Variants in TMEM161B observed in about 807,000 individuals in gnomAD.
The protein encoded by TMEM161B is transmembrane protein 161B.
A neutral mutation model predicts 61.8 loss-of-function variants in TMEM161B; 34 were observed. That is an observed-to-expected ratio of 0.55 (90% CI 0.42 to 0.73). TMEM161B has a LOEUF of 0.73. TMEM161B is among the 30% of genes least tolerant of loss of function. The pLI is 0.00. For synonymous variants in TMEM161B, 167 were observed against 192.8 expected, an observed-to-expected ratio of 0.87 and a Z score of 1.11; for missense variants, 456 against 558.5, an observed-to-expected ratio of 0.82 and a Z score of 1.85.
chr5:88,260,163 G>A (rs1225926201), intron 1 of TMEM161B, among the ~76,000 whole-genome samples: 1 of 152,126 alleles, frequency 6.6e-6, no homozygotes, highest in Non-Finnish European at 1.5e-5. Context: ...CGTTATTGAG[G>A]AAAAGTAAAA....
At chr5:88,211,657 C>T (rs1422290522) in intron 5 of TMEM161B, among the ~76,000 whole-genome samples, 1 of 151,732 alleles carries the variant, frequency 6.6e-6, no homozygotes, top group Non-Finnish European at 1.5e-5. Flanking sequence ...GTAATCCCAG[C>T]TAACTCGGGA....
chr5:88,206,687 T>C (rs1054809695), intron 6 of TMEM161B, among the ~76,000 whole-genome samples, 188 bp from the exon 7 acceptor site: 2 of 152,116 alleles, frequency 1.3e-5, no homozygotes, highest in Admixed American at 1.3e-4. Flanking sequence ...GAACAGTCTT[T>C]GAAAACGTCC....
At chr5:88,205,733 GATTAC>G (rs1745334423) in intron 8 of TMEM161B, 76 bp downstream of exon 8, 11 of 1,454,870 alleles carry the variant, frequency 7.6e-6, no homozygotes, top group South Asian at 6.7e-5. Flanking sequence ...AATAATTTAT[GATTAC>G]ATTACAATAT....
rs1242031227 is a variant in TMEM161B, at chr5:88,199,122, G to A, written c.943C>T (p.Arg315Ter). The change falls in exon 10 of 12, where the codon CGA becomes TGA. Residue 315 changes from arginine to a stop codon, truncating the protein, a stop_gained. Transcript: ENST00000296595. LOFTEE classifies it high-confidence loss of function. Reference protein sequence around the residue: ...LMTEATFDTLRLWLIILLCAL... With the variant: ...LMTEATFDTL ...CACAGCAGGATTATTAACCAGAGTCGCAGAGTATCGAATGTGGCTTCTGTC... is the reference window on the plus strand; with the variant it reads ...CACAGCAGGATTATTAACCAGAGTCACAGAGTATCGAATGTGGCTTCTGTC... The A allele has an allele frequency of 2.5e-6, 4 of 1,611,350 alleles. No homozygotes were observed. Among genetic ancestry groups the A allele is most frequent in the East Asian group, 2.2e-5 (1 of 44,818 alleles).
intron 2 of TMEM161B, among the ~76,000 whole-genome samples, chr5:88,228,792 A>C (rs1231389147): frequency 6.6e-6 from 1 of 152,188 alleles, no homozygotes; most frequent in Admixed American, 6.5e-5. Flanking sequence ...ACAATGTATT[A>C]ATACATATTA....
chr5:88,258,315 C>T (rs966299780), intron 1 of TMEM161B, among the ~76,000 whole-genome samples: 1 of 152,044 alleles, frequency 6.6e-6, no homozygotes, highest in Non-Finnish European at 1.5e-5. Context: ...CTGCTATATT[C>T]GACACGCAAT....
downstream of TMEM161B, among the ~76,000 whole-genome samples, chr5:88,188,379 G>T (rs1005746311): frequency 3.3e-5 from 5 of 151,442 alleles, no homozygotes; most frequent in African/African-American, 1.2e-4. Flanking sequence ...GCCTCCCAAA[G>T]TGCTGCGATT....
chr5:88,191,996 A>G (rs1324396656), downstream of TMEM161B, among the ~76,000 whole-genome samples: 6 of 74,122 alleles, frequency 8.1e-5, no homozygotes, highest in Admixed American at 2.7e-4. Context: ...ATATATATAT[A>G]TATATATATA....
At chr5:88,258,531 G>A (rs1053503312) in intron 1 of TMEM161B, among the ~76,000 whole-genome samples, 4 of 152,066 alleles carry the variant, frequency 2.6e-5, no homozygotes, top group African/African-American at 4.8e-5. Flanking sequence ...GACCAAGGGC[G>A]AATGCAGAAA....
chr5:88,214,403 C>G (rs1476639735), intron 5 of TMEM161B, among the ~76,000 whole-genome samples: 5 of 151,790 alleles, frequency 3.3e-5, no homozygotes, highest in Non-Finnish European at 7.4e-5. Context: ...ACATAATTGA[C>G]TCAGTATTAC....
rs1260161944 is a variant in TMEM161B, at chr5:88,228,589, C to T, written c.108-61G>A. 4 of 1,176,458 alleles carry T rather than the reference C, an allele frequency of 3.4e-6. No individual in the cohort carries two copies. The African/African-American group carries it at 4.7e-5, about 14-fold the overall frequency. The allele number at this position is 1,176,458 out of a possible 1,614,324, so 72.9% of individuals were successfully genotyped here. A position where few individuals can be genotyped will look rare whatever the true frequency, so the allele number is the denominator to read the frequency against. ...TAAAATCACCAGAATTATTCTTCAT[C>T]CTATAAATATTTATTAAGTTTCATA... On this transcript the variant is annotated intron_variant, in intron 2 of 11. Coordinates refer to ENST00000296595, the MANE Select transcript of TMEM161B (RefSeq NM_153354.5).
intron 8 of TMEM161B, among the ~76,000 whole-genome samples, chr5:88,204,843 T>G (rs1462712712): frequency 3.1e-5 from 4 of 129,152 alleles, no homozygotes; most frequent in South Asian, 2.6e-4. Flanking sequence ...AAAATGGAAG[T>G]GAGGTTAAAA....
chr5:88,233,874 G>A lies in TMEM161B; in HGVS notation c.108-5346C>T, dbSNP rs984657425. Among the ~76,000 whole-genome samples, 66 of 151,946 alleles carry A rather than the reference G, an allele frequency of 4.3e-4. 1 individual carries two copies. The highest frequency in any genetic ancestry group is 5.9e-5 in the Non-Finnish European group (4 of 67,976). The stretch of plus-strand genomic sequence containing the variant: ...AATCTGCAGTTCAGAGATAATTTGA[G>A]GTGATTACATAATTGTGGCACCTAA... On this transcript the variant is annotated intron_variant, in intron 2 of 11. Transcript: ENST00000296595.
At chr5:88,209,872 C>T (rs908162737) in intron 5 of TMEM161B, among the ~76,000 whole-genome samples, 1 of 142,876 alleles carries the variant, frequency 7.0e-6, no homozygotes, top group Non-Finnish European at 1.5e-5. Flanking sequence ...ACTCTTCCCT[C>T]CTCCTACCCA....
At position 88,260,154 on chromosome 5, in the gene TMEM161B, G is replaced by A. The variant is rs560775159; in HGVS notation, c.3+8567C>T. On this transcript the variant is annotated intron_variant, in intron 1 of 11. Transcript: ENST00000296595. ...ATGTAAAATAAATGCAGCTGTTATC[G>A]TTATTGAGGAAAAGTAAAATTCAAT... Among the ~76,000 whole-genome samples, 10 of 152,264 alleles carry A rather than the reference G, an allele frequency of 6.6e-5. No homozygotes were observed. In the East Asian group the frequency reaches 7.7e-4, roughly 12 times the overall value.
intron 5 of TMEM161B, among the ~76,000 whole-genome samples, chr5:88,207,636 TAAG>T (rs1017591764): frequency 7.2e-5 from 11 of 152,136 alleles, no homozygotes; most frequent in African/African-American, 2.7e-4. Context: ...ACATTAGTAA[TAAG>T]AAAAAATCTT....
intron 1 of TMEM161B, among the ~76,000 whole-genome samples, chr5:88,260,794 T>A (rs1369648386): frequency 6.6e-6 from 1 of 152,180 alleles, no homozygotes; most frequent in East Asian, 1.9e-4. Flanking sequence ...TCATAATGAT[T>A]AAGAATTTTT....
At chr5:88,241,463 T>C (rs1040371733) in intron 1 of TMEM161B, among the ~76,000 whole-genome samples, 2 of 151,890 alleles carry the variant, frequency 1.3e-5, no homozygotes, top group African/African-American at 4.8e-5. Context: ...AAATTAAGGA[T>C]ATCAAAATGA....
At chr5:88,240,992 A>G (rs1580632826) in intron 1 of TMEM161B, 76 bp from the exon 2 acceptor site, 1 of 969,556 alleles carries the variant, frequency 1.0e-6, no homozygotes, top group Non-Finnish European at 1.5e-6. Context: ...CTTTCTGTAC[A>G]TTTTGAAAAT....
Sources: allele counts gnomAD v4.1 joint callset (sites outside exome capture counted in the v4.1 genomes callset), GRCh38; gene constraint gnomAD v4.1.1; transcripts MANE v1.5; gene names NCBI Gene and HGNC (gene_info 2026-07-23, HGNC 2026-07-21).